Variants in RPP30 observed in about 807,000 individuals in gnomAD.
The protein encoded by RPP30 is ribonuclease P/MRP subunit p30.
A neutral mutation model predicts 38.6 loss-of-function variants in RPP30; 36 were observed. The observed-to-expected ratio is 0.93, with a 90% CI of 0.71 to 1.23. The LOEUF (loss-of-function observed/expected upper bound fraction) is 1.23. Among genes scored for constraint, RPP30 ranks in the 50% most tolerant of loss-of-function variants. The probability of loss-of-function intolerance (pLI) is 0.00; values close to 1 mark genes in which losing one functional copy is unlikely to be tolerated. For synonymous variants in RPP30, 126 were observed against 112.7 expected (o/e 1.12, Z -0.75); for missense variants, 321 against 321.7 (o/e 1.00, Z 0.02).
chr10:90,906,518 A>G (rs900834763), downstream of RPP30, among the ~76,000 whole-genome samples: 5 of 152,224 alleles, frequency 3.3e-5, no homozygotes, highest in Non-Finnish European at 7.3e-5. Flanking sequence ...CCTGAGAGAA[A>G]TGTGAAGCCA....
intron 5 of RPP30, among the ~76,000 whole-genome samples, chr10:90,885,180 A>G (rs570164074): frequency 6.6e-6 from 1 of 152,384 alleles, no homozygotes; most frequent in South Asian, 2.1e-4. Context: ...CATAGCAAAA[A>G]TTAAAACAAC....
chr10:90,896,123 G>A (rs1355094174), intron 9 of RPP30, among the ~76,000 whole-genome samples, 190 bp from the exon 10 acceptor site: 4 of 152,094 alleles, frequency 2.6e-5, no homozygotes. Context: ...AGGGAATGAG[G>A]GACTTCATAT....
chr10:90,889,298 G>C (rs1311398618), intron 6 of RPP30, among the ~76,000 whole-genome samples: 1 of 147,984 alleles, frequency 6.8e-6, no homozygotes, highest in Admixed American at 6.8e-5. Flanking sequence ...CACTTTATAA[G>C]GATTACTTTT....
At chr10:90,887,630 C>T (rs1847019225) in intron 6 of RPP30, among the ~76,000 whole-genome samples, 1 of 152,108 alleles carries the variant, frequency 6.6e-6, no homozygotes, top group African/African-American at 2.4e-5. Context: ...TGTGATCCGC[C>T]CGCCTCAGCC....
rs144327539 is a variant in RPP30 at position 90,899,640 on chromosome 10, A to G, written c.698-930A>G. On this transcript the variant is annotated intron_variant, in intron 10 of 10. Coordinates refer to ENST00000371703, the MANE Select transcript of RPP30 (RefSeq NM_006413.5). ...CATCAGCCATATTGTCCCCTAAACTATTTTACCTAGGTTCTTCTTATCTTT... is the reference window on the plus strand; with the variant it reads ...CATCAGCCATATTGTCCCCTAAACTGTTTTACCTAGGTTCTTCTTATCTTT... Among the ~76,000 whole-genome samples the G allele has an allele frequency of 2.8e-4, 43 of 152,200 alleles. 3 individuals carry two copies. In the East Asian group the frequency reaches 7.0e-3, roughly 25 times the overall value.
chr10:90,894,937 T>C, intron 7 of RPP30, 46 bp downstream of exon 7: 1 of 1,207,710 alleles, frequency 8.3e-7, no homozygotes, highest in Non-Finnish European at 1.2e-6. Flanking sequence ...TGGCAGTTTA[T>C]TATTAGTAGT....
chr10:90,902,633 A>G (rs1228025897), downstream of RPP30, among the ~76,000 whole-genome samples: 1 of 152,218 alleles, frequency 6.6e-6, no homozygotes, highest in Non-Finnish European at 1.5e-5. Context: ...AGTTAAATCC[A>G]CTCCTGATTT....
downstream of RPP30, among the ~76,000 whole-genome samples, chr10:90,908,052 A>G (rs1020493850): frequency 2.6e-5 from 4 of 152,234 alleles, no homozygotes; most frequent in African/African-American, 7.2e-5. Flanking sequence ...GTAGGCAACT[A>G]TAACACAGTG....
chr10:90,893,673 T>C (rs1847107551), intron 6 of RPP30, among the ~76,000 whole-genome samples: 1 of 152,202 alleles, frequency 6.6e-6, no homozygotes, highest in South Asian at 2.1e-4. Flanking sequence ...GACTTTTGCA[T>C]GCTCTGACCT....
intron 10 of RPP30, among the ~76,000 whole-genome samples, chr10:90,899,974 A>C (rs1191994893): frequency 6.6e-6 from 1 of 152,164 alleles, no homozygotes; most frequent in Admixed American, 6.5e-5. Context: ...GCATTTAATA[A>C]TTTCTATTTA....
At chr10:90,883,112 T>G (rs1846952807) in intron 5 of RPP30, among the ~76,000 whole-genome samples, 1 of 152,190 alleles carries the variant, frequency 6.6e-6, no homozygotes, top group Non-Finnish European at 1.5e-5. Flanking sequence ...TCTTTTTCCT[T>G]GGTAAGCCTG....
At chr10:90,874,385 T>G (rs1014927610) in intron 1 of RPP30, among the ~76,000 whole-genome samples, 1 of 151,938 alleles carries the variant, frequency 6.6e-6, no homozygotes, top group Non-Finnish European at 1.5e-5. Context: ...CTGAAGGAAG[T>G]AGAAGGATAA....
chr10:90,903,704 G>A (rs1361853648), downstream of RPP30, among the ~76,000 whole-genome samples: 1 of 152,176 alleles, frequency 6.6e-6, no homozygotes, highest in Non-Finnish European at 1.5e-5. Context: ...GCTACAAGAT[G>A]CCAATACCTC....
At chr10:90,888,783 A>G (rs1038033885) in intron 6 of RPP30, among the ~76,000 whole-genome samples, 1 of 152,206 alleles carries the variant, frequency 6.6e-6, no homozygotes, top group African/African-American at 2.4e-5. Flanking sequence ...CTTAATTCCT[A>G]CATTTTTCAA....
intron 4 of RPP30, among the ~76,000 whole-genome samples, chr10:90,877,518 G>A (rs550357470): frequency 6.6e-6 from 1 of 152,050 alleles, no homozygotes; most frequent in South Asian, 2.1e-4. Context: ...AGACTGAGAA[G>A]GGACTACCCT....
At chr10:90,902,692 A>G (rs927909650), downstream of RPP30, among the ~76,000 whole-genome samples, 2 of 152,216 alleles carry the variant, frequency 1.3e-5, no homozygotes, top group Non-Finnish European at 2.9e-5. Context: ...GTAGAATAAT[A>G]TTGTATGCAT....
intron 4 of RPP30, among the ~76,000 whole-genome samples, chr10:90,876,441 C>T (rs899366547): frequency 6.6e-6 from 1 of 152,152 alleles, no homozygotes; most frequent in Non-Finnish European, 1.5e-5. Context: ...GCAAGGCAAG[C>T]ACTGAACAAA....
At chr10:90,883,422 A>G (rs1846958446) in intron 5 of RPP30, among the ~76,000 whole-genome samples, 1 of 152,202 alleles carries the variant, frequency 6.6e-6, no homozygotes, top group Non-Finnish European at 1.5e-5. Flanking sequence ...CTAAAATGAT[A>G]TAGAAAGCGT....
intron 5 of RPP30, among the ~76,000 whole-genome samples, chr10:90,883,853 A>G (rs913168812): frequency 3.9e-5 from 6 of 152,174 alleles, no homozygotes; most frequent in African/African-American, 1.4e-4. Flanking sequence ...CTTCCACCTA[A>G]AATTCCTTCC....
Sources: allele counts gnomAD v4.1 joint callset (sites outside exome capture counted in the v4.1 genomes callset), GRCh38; gene constraint gnomAD v4.1.1; transcripts MANE v1.5; gene names NCBI Gene and HGNC (gene_info 2026-07-23, HGNC 2026-07-21).